FOXN2: variants seen among roughly 807,000 people sequenced by gnomAD.
The protein encoded by FOXN2 is forkhead box protein N2.
A neutral mutation model predicts 41.2 loss-of-function variants in FOXN2; 19 were observed. The ratio of observed to expected loss-of-function variants is 0.46; its 90% CI spans 0.32 to 0.68. FOXN2 has a LOEUF of 0.68. Among genes scored for constraint, FOXN2 ranks in the 30% least tolerant of loss-of-function variants. FOXN2 has a pLI of 0.03. For missense variants in FOXN2, 587 were observed against 509.4 expected, an observed-to-expected ratio of 1.15 and a Z score of -1.47; for synonymous variants, 195 against 176.8, an observed-to-expected ratio of 1.10 and a Z score of -0.82.
chr2:48,353,458 T>A (rs1671583078), intron 3 of FOXN2, among the ~76,000 whole-genome samples: 1 of 152,112 alleles, frequency 6.6e-6, no homozygotes, highest in Admixed American at 6.6e-5. Flanking sequence ...CTTTATAACA[T>A]ACATATCCCA....
chr2:48,375,579 G>T lies in FOXN2; in HGVS notation c.*136G>T, dbSNP rs531683065. On this transcript the variant is annotated 3_prime_UTR_variant, in exon 7 of 7. Coordinates refer to ENST00000340553, the MANE Select transcript of FOXN2 (RefSeq NM_002158.4). ...TCTTTCAAAACATTTTTGGTTTTTG[G>T]TTTTTAAAATTTTTATTAAACAATT... is the stretch of plus-strand genomic sequence containing the variant. 1 of 939,606 alleles carries T rather than the reference G, an allele frequency of 1.1e-6. No homozygotes were observed. Among genetic ancestry groups the T allele is most frequent in the Non-Finnish European group, 1.5e-6 (1 of 652,378 alleles). 58.2% of individuals were successfully genotyped at this position (939,606 alleles called of 1,614,324 possible). A position where few individuals can be genotyped will look rare whatever the true frequency, so the allele number is the denominator to read the frequency against.
rs1673161487 is a variant in FOXN2, at chr2:48,375,145, T to C, written c.998T>C (p.Ile333Thr). 1 of 1,614,088 alleles carries C rather than the reference T, an allele frequency of 6.2e-7. No individual in the cohort carries two copies. The highest frequency in any genetic ancestry group is 8.5e-7 in the Non-Finnish European group (1 of 1,179,988). ...TCTGTGGATGAGGTATATGAATTTA[T>C]CCCAAAGAATAGTCACGTGGGAAGT... ...LSSVDEVYEF[I>T]PKNSHVGSDG... is the part of the protein sequence containing the mutation. The change falls in exon 7 of 7, where the codon ATC becomes ACC. Residue 333 changes from isoleucine to threonine, a missense_variant. Coordinates refer to ENST00000340553, the MANE Select transcript of FOXN2 (RefSeq NM_002158.4).
At chr2:48,314,140 G>C (rs1668718530), upstream of FOXN2, among the ~76,000 whole-genome samples, 1 of 152,234 alleles carries the variant, frequency 6.6e-6, no homozygotes, top group Non-Finnish European at 1.5e-5. Context: ...TCAAAGCCCA[G>C]GCAATGGCGG....
At chr2:48,326,341 A>G (rs1053983290) in intron 1 of FOXN2, among the ~76,000 whole-genome samples, 1 of 150,676 alleles carries the variant, frequency 6.6e-6, no homozygotes, top group African/African-American at 2.4e-5. Flanking sequence ...GTGACCTGAA[A>G]GGTTAGAGCA....
chr2:48,348,753 A>G (rs1234176524), intron 3 of FOXN2, among the ~76,000 whole-genome samples: 1 of 152,248 alleles, frequency 6.6e-6, no homozygotes, highest in Non-Finnish European at 1.5e-5. Context: ...ATGGACTGCC[A>G]ATACTTTGTG....
At chr2:48,331,952 T>G (rs999257754) in intron 2 of FOXN2, among the ~76,000 whole-genome samples, 1 of 152,050 alleles carries the variant, frequency 6.6e-6, no homozygotes, top group Non-Finnish European at 1.5e-5. Flanking sequence ...AAATTAACCG[T>G]GTTATTTATA....
chr2:48,320,612 C>A (rs13432998), intron 1 of FOXN2, among the ~76,000 whole-genome samples: 1 of 151,766 alleles, frequency 6.6e-6, no homozygotes, highest in Non-Finnish European at 1.5e-5. Flanking sequence ...TCAATAATGC[C>A]GTAAGGAGTG....
chr2:48,363,790 G>A (rs1672353191), intron 5 of FOXN2, among the ~76,000 whole-genome samples: 1 of 152,188 alleles, frequency 6.6e-6, no homozygotes, highest in Non-Finnish European at 1.5e-5. Context: ...TAGCTCAGGA[G>A]CAATCCTAGG....
chr2:48,346,195 T>C lies in FOXN2; in HGVS notation c.-14-6T>C. 6.4e-7 allele frequency: 1 copy of C among 1,566,342 alleles called. No homozygotes were observed. Among genetic ancestry groups the C allele is most frequent in the Non-Finnish European group, 8.6e-7 (1 of 1,158,998 alleles). On this transcript the variant is annotated splice_region_variant and splice_polypyrimidine_tract_variant and intron_variant, in intron 2 of 6. Transcript: ENST00000340553. ...ATTACATTGATAATTGTTTCCTTTGTTGCAGAACTGTAAGAGTAAATGGGT... is the reference window on the plus strand; with the variant it reads ...ATTACATTGATAATTGTTTCCTTTGCTGCAGAACTGTAAGAGTAAATGGGT...
At chr2:48,324,240 GC>G (rs74536051) in intron 1 of FOXN2, among the ~76,000 whole-genome samples, 65,720 of 147,346 alleles carry the variant, frequency 0.45, 14,912 homozygotes, top group South Asian at 0.55. Context: ...TGTCTCCCAG[GC>G]CTGGAGTACA....
At position 48,365,088 on chromosome 2, in the gene FOXN2, G is replaced by C. The variant is rs548287567; in HGVS notation, c.703+2381G>C. On this transcript the variant is annotated intron_variant, in intron 5 of 6. Coordinates refer to ENST00000340553, the MANE Select transcript of FOXN2 (RefSeq NM_002158.4). ...TCCTAGCGTTGCTTTGGAGCCTGGAGACATTTTCATAACCTTTAAAAATAG... is the reference window on the plus strand; with the variant it reads ...TCCTAGCGTTGCTTTGGAGCCTGGACACATTTTCATAACCTTTAAAAATAG... Among the ~76,000 whole-genome samples the C allele has an allele frequency of 3.9e-5, 6 of 152,266 alleles. 1 individual carries two copies. The South Asian group carries it at 1.2e-3, about 32-fold the overall frequency.
chr2:48,315,620 C>T (rs1007840003), intron 1 of FOXN2, among the ~76,000 whole-genome samples: 1 of 152,204 alleles, frequency 6.6e-6, no homozygotes, highest in African/African-American at 2.4e-5. Context: ...CAAGTTTGCC[C>T]CACTGCAGCA....
intron 6 of FOXN2, among the ~76,000 whole-genome samples, chr2:48,374,281 A>G (rs544736044): frequency 2.6e-5 from 4 of 152,222 alleles, no homozygotes; most frequent in African/African-American, 4.8e-5. Flanking sequence ...TATGTGGGCA[A>G]TACACATGTG....
chr2:48,363,271 A>G (rs929369755), intron 5 of FOXN2, among the ~76,000 whole-genome samples: 1 of 152,182 alleles, frequency 6.6e-6, no homozygotes, highest in Non-Finnish European at 1.5e-5. Flanking sequence ...GTTTAAAAAA[A>G]GTTAATTTAA....
chr2:48,317,177 C>G (rs559168384), intron 1 of FOXN2, among the ~76,000 whole-genome samples: 1 of 151,928 alleles, frequency 6.6e-6, no homozygotes, highest in South Asian at 2.1e-4. Context: ...AAAAGGATTG[C>G]TCAACTCGTG....
intron 2 of FOXN2, among the ~76,000 whole-genome samples, chr2:48,336,185 C>G (rs1670337193): frequency 6.6e-6 from 1 of 151,948 alleles, no homozygotes; most frequent in Non-Finnish European, 1.5e-5. Context: ...GGGCAGATCA[C>G]TTGAGGTCAG....
intron 3 of FOXN2, among the ~76,000 whole-genome samples, chr2:48,349,590 A>G (rs1012642706): frequency 6.6e-6 from 1 of 152,198 alleles, no homozygotes; most frequent in Non-Finnish European, 1.5e-5. Flanking sequence ...CCTGACCAAC[A>G]TGGAGAAGCC....
At chr2:48,371,597 T>G (rs569771491) in intron 5 of FOXN2, among the ~76,000 whole-genome samples, 1 of 152,328 alleles carries the variant, frequency 6.6e-6, no homozygotes, top group South Asian at 2.1e-4. Context: ...TTTGGGGTCT[T>G]TTGTAGTTCC....
intron 2 of FOXN2, among the ~76,000 whole-genome samples, chr2:48,330,655 G>C (rs1669967319): frequency 6.6e-6 from 1 of 151,874 alleles, no homozygotes; most frequent in Non-Finnish European, 1.5e-5. Flanking sequence ...TGCTTGATTT[G>C]CTGATGACAT....
Sources: allele counts gnomAD v4.1 joint callset (sites outside exome capture counted in the v4.1 genomes callset), GRCh38; gene constraint gnomAD v4.1.1; transcripts MANE v1.5; gene names NCBI Gene and HGNC (gene_info 2026-07-23, HGNC 2026-07-21).